EXT2: variants seen among roughly 807,000 people sequenced by gnomAD.
EXT2 encodes exostosin glycosyltransferase 2.
In EXT2, 53 loss-of-function variants were observed where a neutral mutation model predicts 81.6. That is an observed-to-expected ratio of 0.65 (90% CI 0.52 to 0.82). EXT2 has a LOEUF of 0.82. EXT2 is among the 40% of genes least tolerant of loss of function. The pLI, the probability that EXT2 is intolerant of heterozygous loss-of-function variation, is 0.00. For missense variants in EXT2, 774 were observed against 910.2 expected, an observed-to-expected ratio of 0.85 and a Z score of 1.93; for synonymous variants, 320 against 340.0, an observed-to-expected ratio of 0.94 and a Z score of 0.65.
chr11:44,099,074 T>G (rs115731091), intron 1 of EXT2, among the ~76,000 whole-genome samples: 4,432 of 152,270 alleles, frequency 0.029, 281 homozygotes, highest in East Asian at 0.28. Context: ...CAGTCATGGC[T>G]CACTGCAGCC....
chr11:44,249,532 T>A lies in EXT2; in HGVS notation c.*5245T>A, dbSNP rs1956123373. Among the ~76,000 whole-genome samples the A allele has an allele frequency of 6.6e-6, 1 of 152,220 alleles. No homozygotes were observed. The highest frequency in any genetic ancestry group is 2.4e-5 in the African/African-American group (1 of 41,472). ...CTGACAGAGGAGGGATCCATATGTC[T>A]TAGACCAAAGCCACCAGTCAGGCCT... is the stretch of plus-strand genomic sequence containing the variant. On this transcript the variant is annotated 3_prime_UTR_variant, in exon 14 of 14. Coordinates refer to ENST00000533608, the MANE Select transcript of EXT2 (RefSeq NM_207122.2).
Position 44,098,328 on chromosome 11 carries a change from C to T in EXT2, c.-31+2476C>T, listed in dbSNP as rs549687427. The stretch of plus-strand genomic sequence containing the variant: ...GGGGTGAGGTTGGAGTGTCCTGAGT[C>T]GGGAGCACTGTCACTTCAGTCTAGG... On this transcript the variant is annotated intron_variant, in intron 1 of 13. Transcript: ENST00000533608. Among the ~76,000 whole-genome samples, 8 of 152,000 alleles carry T rather than the reference C, an allele frequency of 5.3e-5. No individual in the cohort carries two copies. The South Asian group carries it at 1.0e-3, about 20-fold the overall frequency.
At chr11:44,240,522 A>G (rs566743056) in intron 13 of EXT2, among the ~76,000 whole-genome samples, 4 of 152,268 alleles carry the variant, frequency 2.6e-5, no homozygotes, top group Non-Finnish European at 4.4e-5. Context: ...CACCTGTGTG[A>G]ATAGCCACTG....
At chr11:44,121,398 AC>A (rs1442316082) in intron 4 of EXT2, among the ~76,000 whole-genome samples, 1 of 152,044 alleles carries the variant, frequency 6.6e-6, no homozygotes, top group African/African-American at 2.4e-5. Context: ...CATATTGAAA[AC>A]CATGCATTCA....
intron 10 of EXT2, among the ~76,000 whole-genome samples, chr11:44,209,086 A>G (rs1955617202): frequency 6.6e-6 from 1 of 152,262 alleles, no homozygotes. Flanking sequence ...TCTGGATCAT[A>G]GTTCATTCTT....
intron 8 of EXT2, among the ~76,000 whole-genome samples, chr11:44,188,282 A>C (rs1441895291): frequency 1.3e-5 from 2 of 152,300 alleles, no homozygotes; most frequent in Non-Finnish European, 2.9e-5. Context: ...TAACTCTGTG[A>C]AGTAAGGGAC....
In EXT2 at chr11:44,147,790, T is replaced by TTTTG. The variant is rs5791608; in HGVS notation, c.1173+17652_1173+17653insTTTG. On this transcript the variant is annotated intron_variant, in intron 7 of 13. Transcript: ENST00000533608. The stretch of plus-strand genomic sequence containing the variant: ...TCCACATTGTCTTTTTTTTTTTTTT[T>TTTTG]GTAGCAAATTTGTTGACATAATTGG... Among the ~76,000 whole-genome samples the TTTTG allele has an allele frequency of 5.3e-5, 8 of 150,910 alleles. No individual in the cohort carries two copies. The South Asian group carries it at 6.3e-4, about 12-fold the overall frequency.
At chr11:44,148,050 A>C (rs902465457) in intron 7 of EXT2, among the ~76,000 whole-genome samples, 1 of 152,050 alleles carries the variant, frequency 6.6e-6, no homozygotes, top group African/African-American at 2.4e-5. Flanking sequence ...GTCCTTTTCA[A>C]GATTCTTAGT....
intron 10 of EXT2, among the ~76,000 whole-genome samples, chr11:44,218,793 CTTT>C (rs11368525): frequency 1.1e-5 from 1 of 92,298 alleles, no homozygotes; most frequent in Non-Finnish European, 1.9e-5. Context: ...ATCTGCAATT[CTTT>C]TTTTTTTTTT....
chr11:44,208,869 G>A (rs1216877637), intron 10 of EXT2, among the ~76,000 whole-genome samples: 1 of 152,168 alleles, frequency 6.6e-6, no homozygotes, highest in Non-Finnish European at 1.5e-5. Flanking sequence ...ATTTTACTGT[G>A]AGTGACATTT....
chr11:44,218,882 C>G (rs1955750876), intron 10 of EXT2, among the ~76,000 whole-genome samples: 1 of 140,880 alleles, frequency 7.1e-6, no homozygotes, highest in Non-Finnish European at 1.5e-5. Flanking sequence ...ACTGCAACCT[C>G]TGCCTCCTGG....
chr11:44,182,089 G>A (rs909590901), intron 8 of EXT2, among the ~76,000 whole-genome samples: 17 of 152,270 alleles, frequency 1.1e-4, no homozygotes, highest in Admixed American at 3.3e-4. Context: ...TTTGGGAGCC[G>A]AATAGAGGAA....
chr11:44,124,909 C>A lies in EXT2; in HGVS notation c.864C>A (p.Asn288Lys). The change falls in exon 5 of 14, where the codon AAC (asparagine) becomes AAA (lysine). Residue 288 changes from asparagine (N) to lysine (K), a missense_variant. By Grantham distance (94) the Asn-to-Lys change is moderately conservative (BLOSUM62 0). This residue lies in a region of EXT2 where 626 missense variants were observed against 670.5 expected (regional missense o/e 0.93). Transcript: ENST00000533608. ...TGTTAGTACTCGATAAATGCACCAA[C>A]CTCTCAGAGGGTGTCCTTTCTGTCC... ...ESVLVLDKCTNLSEGVLSVRK... is the reference protein window; with the variant it reads ...ESVLVLDKCTKLSEGVLSVRK... 6.2e-7 allele frequency: 1 copy of A among 1,614,082 alleles called. No homozygotes were observed. The highest frequency in any genetic ancestry group is 8.5e-7 in the Non-Finnish European group (1 of 1,180,020).
At chr11:44,166,884 A>G (rs187260460) in intron 7 of EXT2, among the ~76,000 whole-genome samples, 56 of 152,346 alleles carry the variant, frequency 3.7e-4, no homozygotes, top group Middle Eastern at 3.4e-3. Flanking sequence ...TCAAAAGACT[A>G]TATTGGACCA....
chr11:44,126,566 A>G (rs1286394440), intron 5 of EXT2, among the ~76,000 whole-genome samples: 1 of 152,218 alleles, frequency 6.6e-6, no homozygotes, highest in Non-Finnish European at 1.5e-5. Flanking sequence ...GACCTTGAAC[A>G]TTTTCAGAAG....
intron 8 of EXT2, among the ~76,000 whole-genome samples, chr11:44,176,882 G>C (rs1246289732): frequency 2.0e-5 from 3 of 146,940 alleles, no homozygotes; most frequent in Non-Finnish European, 4.5e-5. Flanking sequence ...TGAGAGTTCA[G>C]AGTCATATTT....
rs917580917 is a variant in EXT2, at chr11:44,247,532, G to A, written c.*3245G>A. On this transcript the variant is annotated 3_prime_UTR_variant, in exon 14 of 14. Transcript: ENST00000533608. ...CTCCCAAAGTGCTGGGATTACGGGC[G>A]TGAGTCCCCACGCTCAGCCACTGTA... Among the ~76,000 whole-genome samples, 2 of 152,200 alleles carry A rather than the reference G, an allele frequency of 1.3e-5. No individual in the cohort carries two copies. The highest frequency in any genetic ancestry group is 2.4e-5 in the African/African-American group (1 of 41,446).
Position 44,108,161 on chromosome 11 carries a change from C to A in EXT2, c.449C>A (p.Ala150Asp), listed in dbSNP as rs1226564280. Residue 150 changes from alanine (A) to aspartate (D), a missense_variant, in exon 2 of 14, where the codon GCC (alanine) becomes GAC (aspartate). Physicochemically the swap from Ala to Asp is moderately radical, Grantham distance 126. Around this residue, in one of 2 missense-constraint regions of EXT2, gnomAD observed 626 missense variants for 670.5 expected, o/e 0.93. Coordinates refer to ENST00000533608, the MANE Select transcript of EXT2 (RefSeq NM_207122.2). ...TACTACACTGATGACATCAACCGGG[C>A]CTGTCTGTTTGTTCCCTCCATCGAT... ...SDYYTDDINR[A>D]CLFVPSIDVL... 18 of 1,613,980 alleles carry A rather than the reference C, an allele frequency of 1.1e-5. No homozygotes were observed. The highest frequency in any genetic ancestry group is 1.4e-5 in the Non-Finnish European group (17 of 1,180,032).
At chr11:44,118,032 G>A (rs564556628) in intron 4 of EXT2, among the ~76,000 whole-genome samples, 10 of 152,200 alleles carry the variant, frequency 6.6e-5, no homozygotes, top group African/African-American at 2.4e-4. Context: ...AACTATTTTT[G>A]TTATAAGTAA....
Sources: allele counts gnomAD v4.1 joint callset (sites outside exome capture counted in the v4.1 genomes callset), GRCh38; gene constraint gnomAD v4.1.1; regional missense constraint gnomAD v4.1.1; transcripts MANE v1.5; gene names NCBI Gene and HGNC (gene_info 2026-07-23, HGNC 2026-07-21).